STOML3: variants seen among roughly 807,000 people sequenced by gnomAD.
STOML3 encodes the protein stomatin like 3.
Under a neutral mutation model 29.5 loss-of-function variants are expected in STOML3, and 31 were observed. The observed-to-expected ratio is 1.05, with a 90% CI of 0.79 to 1.42. The LOEUF is 1.42. Ranked by LOEUF, STOML3 falls within the 40% of genes most tolerant of loss-of-function variation. The pLI is 0.00. For missense variants in STOML3, 380 were observed against 363.0 expected, an observed-to-expected ratio of 1.05 and a Z score of -0.38; for synonymous variants, 122 against 139.8, an observed-to-expected ratio of 0.87 and a Z score of 0.90.
chr13:38,988,916 A>T (rs982437067), intron 1 of STOML3, among the ~76,000 whole-genome samples: 1 of 103,910 alleles, frequency 9.6e-6, no homozygotes, highest in Non-Finnish European at 1.9e-5. Context: ...AGAATACATA[A>T]TATATATACT....
Position 38,980,192 on chromosome 13 carries a change from T to A in STOML3, c.53-3395A>T. ...TTCTTCCAAGATTTACACTGGAGCA[T>A]TAGAATCACCCAGGCCGCGGCTTCT... is the stretch of plus-strand genomic sequence containing the variant. On this transcript the variant is annotated intron_variant, in intron 1 of 6. Transcript: ENST00000379631. 1.0e-5 allele frequency: 15 copies of A among 1,498,874 alleles called. No homozygotes were observed. In the South Asian group the frequency reaches 1.7e-4, roughly 17 times the overall value. The allele number at this position is 1,498,874 out of a possible 1,614,324, so 92.8% of individuals were successfully genotyped here. A position where few individuals can be genotyped will look rare whatever the true frequency, so the allele number is the denominator to read the frequency against.
rs186385388 is a variant in STOML3, at chr13:38,988,304, T to C, written c.52+2366A>G. 1.0e-3 allele frequency among the ~76,000 whole-genome samples: 75 copies of C among 72,182 alleles called. 1 individual carries two copies. Among genetic ancestry groups the C allele is most frequent in the African/African-American group, 4.5e-3 (59 of 13,006 alleles). 47.4% of individuals were successfully genotyped at this position (72,182 alleles called of 152,430 possible). ...AATATATTATATTTTATATCATATA[T>C]TTTATATATAATATATTATATTTTA... On this transcript the variant is annotated intron_variant, in intron 1 of 6. Transcript: ENST00000379631.
chr13:38,988,753 T>G (rs1868851046), intron 1 of STOML3, among the ~76,000 whole-genome samples: 1 of 142,308 alleles, frequency 7.0e-6, no homozygotes, highest in Non-Finnish European at 1.5e-5. Flanking sequence ...GCCACTTATG[T>G]GCTGTCAGGT....
intron 6 of STOML3, 36 bp from the exon 7 acceptor site, chr13:38,967,085 A>T (rs370515996): frequency 4.0e-5 from 63 of 1,582,372 alleles, no homozygotes; most frequent in Middle Eastern, 3.3e-4. Flanking sequence ...CAGAAATAAA[A>T]GTTTACACTA....
chr13:38,975,842 C>G (rs1279591756), intron 3 of STOML3, among the ~76,000 whole-genome samples: 1 of 152,020 alleles, frequency 6.6e-6, no homozygotes, highest in Non-Finnish European at 1.5e-5. Context: ...AAACCACCTT[C>G]TTTTAAAACA....
chr13:38,966,692 C>G lies in STOML3; in HGVS notation c.*133G>C. On this transcript the variant is annotated 3_prime_UTR_variant, in exon 7 of 7. Coordinates refer to ENST00000379631, the MANE Select transcript of STOML3 (RefSeq NM_145286.3). ...TCTGTATAGCCTCTAGAGCTTTTTC[C>G]TGCCAATGCTCTTCCATCTATGGAG... is the stretch of plus-strand genomic sequence containing the variant. The G allele has an allele frequency of 2.6e-6, 2 of 764,386 alleles. No homozygotes were observed. Among genetic ancestry groups the G allele is most frequent in the Non-Finnish European group, 2.1e-6 (1 of 466,234 alleles). The allele number at this position is 764,386 out of a possible 1,614,324, so 47.4% of individuals were successfully genotyped here.
chr13:38,976,770 C>A lies in STOML3; in HGVS notation c.80G>T (p.Cys27Phe). Residue 27 changes from cysteine (C) to phenylalanine (F), a missense_variant, in exon 2 of 7, where the codon TGT becomes TTT. Transcript: ENST00000379631. ...VGVNNKRLGV[C>F]GWILFSLSFL... Reference sequence around the variant, plus strand: ...AGAGAGGGAAAACAGGATCCAGCCACATACACCAAGCCGTTTATTGTTGAC... The same window carrying A: ...AGAGAGGGAAAACAGGATCCAGCCAAATACACCAAGCCGTTTATTGTTGAC... The A allele has an allele frequency of 6.2e-7, 1 of 1,613,894 alleles. No individual in the cohort carries two copies. Among genetic ancestry groups the A allele is most frequent in the Non-Finnish European group, 8.5e-7 (1 of 1,179,940 alleles).
At chr13:38,978,622 T>C (rs975722824) in intron 1 of STOML3, among the ~76,000 whole-genome samples, 5 of 152,170 alleles carry the variant, frequency 3.3e-5, no homozygotes, top group Non-Finnish European at 5.9e-5. Context: ...ACTGTCTATC[T>C]CAGTTAATGC....
intron 1 of STOML3, among the ~76,000 whole-genome samples, chr13:38,986,035 GT>G (rs371208112): frequency 0.23 from 15,915 of 70,644 alleles, 1,030 homozygotes; most frequent in African/African-American, 0.3. Flanking sequence ...TATTTACCTG[GT>G]TTTTTTTTTT....
In STOML3 at chr13:38,976,741, G is replaced by A. The variant is rs1181323378; in HGVS notation, c.109C>T (p.Leu37=). ...ATGGGGAAGGTAATGATCACCAACA[G>A]GAAAGAGAGGGAAAACAGGATCCAG... ...CGWILFSLSF[L]LVIITFPISI... is the part of the protein sequence containing the mutation. The change falls in exon 2 of 7, where the codon CTG becomes TTG. Residue 37 remains leucine, a synonymous_variant. Coordinates refer to ENST00000379631, the MANE Select transcript of STOML3 (RefSeq NM_145286.3). The A allele has an allele frequency of 4.3e-6, 7 of 1,613,928 alleles. No homozygotes were observed. The East Asian group carries it at 1.6e-4, about 36-fold the overall frequency.
At chr13:38,990,590 C>G in intron 1 of STOML3, 80 bp downstream of exon 1, 1 of 1,442,886 alleles carries the variant, frequency 6.9e-7, no homozygotes, top group Non-Finnish European at 9.7e-7. Context: ...CATACTTACT[C>G]TATACCTGTC....
intron 3 of STOML3, among the ~76,000 whole-genome samples, 186 bp downstream of exon 3, chr13:38,976,354 G>T (rs1459660738): frequency 6.6e-6 from 1 of 152,112 alleles, no homozygotes; most frequent in African/African-American, 2.4e-5. Context: ...CTCTCAAACT[G>T]GTGGTCATTC....
chr13:38,976,180 T>G (rs1031784961), intron 3 of STOML3, among the ~76,000 whole-genome samples: 1 of 152,186 alleles, frequency 6.6e-6, no homozygotes, highest in African/African-American at 2.4e-5. Flanking sequence ...CTTGAGTAAC[T>G]TAATAGTGTG....
intron 1 of STOML3, among the ~76,000 whole-genome samples, chr13:38,989,050 T>G (rs1323085370): frequency 6.8e-6 from 1 of 147,704 alleles, no homozygotes; most frequent in Non-Finnish European, 1.5e-5. Context: ...TTATATTGTA[T>G]TATATATATT....
intron 1 of STOML3, among the ~76,000 whole-genome samples, chr13:38,983,836 C>A (rs1187279399): frequency 6.6e-6 from 1 of 152,118 alleles, no homozygotes; most frequent in African/African-American, 2.4e-5. Context: ...TTCCCTTTTA[C>A]CATTTGCTTT....
chr13:38,974,635 C>T (rs1881003688), intron 3 of STOML3, among the ~76,000 whole-genome samples: 1 of 152,152 alleles, frequency 6.6e-6, no homozygotes, highest in African/African-American at 2.4e-5. Context: ...GAATAATTTA[C>T]AATTTATGAA....
chr13:38,976,712 G>A lies in STOML3; in HGVS notation c.138C>T (p.Ser46=). The part of the protein sequence containing the change: ...FLLVIITFPI[S]IWMCLKIIKE... Reference sequence around the variant, plus strand: ...GTGTTACCTTCAAGCACATCCATATGGAGATGGGGAAGGTAATGATCACCA... The same window carrying A: ...GTGTTACCTTCAAGCACATCCATATAGAGATGGGGAAGGTAATGATCACCA... The change falls in exon 2 of 7, where the codon TCC becomes TCT. Residue 46 remains serine (S), a synonymous_variant. Transcript: ENST00000379631. 2 of 1,613,998 alleles carry A rather than the reference G, an allele frequency of 1.2e-6. No individual in the cohort carries two copies. Among genetic ancestry groups the A allele is most frequent in the Non-Finnish European group, 1.7e-6 (2 of 1,179,940 alleles).
Position 38,976,535 on chromosome 13 carries a change from C to G in STOML3, c.229+5G>C, listed in dbSNP as rs759940946. ...TTTCAGGGGCAGCCACCGCGTCATT[C>G]ATACCTGGCCCCTTGGCTTTGTCAG... On this transcript the variant is annotated splice_donor_5th_base_variant and intron_variant, in intron 3 of 6. Transcript: ENST00000379631. 1 of 1,614,032 alleles carries G rather than the reference C, an allele frequency of 6.2e-7. No individual in the cohort carries two copies. Among genetic ancestry groups the G allele is most frequent in the African/African-American group, 1.3e-5 (1 of 74,930 alleles).
At chr13:38,968,270 G>T in intron 6 of STOML3, 130 bp downstream of exon 6, 1 of 1,356,600 alleles carries the variant, frequency 7.4e-7, no homozygotes, top group Non-Finnish European at 9.9e-7. Flanking sequence ...AAAATTCTCA[G>T]TAAAACTGTG....
Sources: allele counts gnomAD v4.1 joint callset (sites outside exome capture counted in the v4.1 genomes callset), GRCh38; gene constraint gnomAD v4.1.1; transcripts MANE v1.5; gene names NCBI Gene and HGNC (gene_info 2026-07-23, HGNC 2026-07-21).